Variants in KIRREL3 observed in about 807,000 individuals in gnomAD.
The protein encoded by KIRREL3 is kirre like nephrin family adhesion molecule 3.
Under a neutral mutation model 89.7 loss-of-function variants are expected in KIRREL3, and 36 were observed. The observed-to-expected ratio is 0.40, with a 90% CI of 0.31 to 0.53. KIRREL3 has a LOEUF of 0.53. KIRREL3 is among the 20% of genes least tolerant of loss of function. The pLI is 0.49. For missense variants in KIRREL3, 864 were observed against 1,056.6 expected (o/e 0.82, Z 2.53); for synonymous variants, 445 against 441.4 (o/e 1.01, Z -0.10).
rs1941351411 is a variant in KIRREL3, at chr11:126,578,039, G to A, written c.56-15127C>T. Among the ~76,000 whole-genome samples, 1 of 152,170 alleles carries A rather than the reference G, an allele frequency of 6.6e-6. No individual in the cohort carries two copies. Among genetic ancestry groups the A allele is most frequent in the South Asian group, 2.1e-4 (1 of 4,830 alleles). On this transcript the variant is annotated intron_variant, in intron 1 of 16. Coordinates refer to ENST00000525144, the MANE Select transcript of KIRREL3 (RefSeq NM_032531.4). This position sits in a 1 kb window ranked among gnomAD's most constrained non-coding sequence, Gnocchi z 4.9. ...AAGCTGTGGTTTTCATTTTTGGAGA[G>A]TTTAAATAATTTTAGAGTTCTTCTA...
intron 5 of KIRREL3, among the ~76,000 whole-genome samples, chr11:126,472,345 G>A (rs1192289207): frequency 3.3e-5 from 5 of 152,160 alleles, no homozygotes; most frequent in African/African-American, 7.2e-5. Context: ...CAAGATCAAC[G>A]CAGATTTGTT....
chr11:126,868,723 T>C (rs1159066886), intron 1 of KIRREL3, among the ~76,000 whole-genome samples: 1 of 152,132 alleles, frequency 6.6e-6, no homozygotes, highest in African/African-American at 2.4e-5. Context: ...AGCATTCAAC[T>C]CTACTGGCAG....
At position 126,912,517 on chromosome 11, in the gene KIRREL3, C is replaced by G. The variant is rs1946865240; in HGVS notation, c.55+87938G>C. ...AGGCATCAACCAAGAACATATCACA[C>G]TCACCTACAAAACAAGCAACCCACC... is the stretch of plus-strand genomic sequence containing the variant. On this transcript the variant is annotated intron_variant, in intron 1 of 16. Coordinates refer to ENST00000525144, the MANE Select transcript of KIRREL3 (RefSeq NM_032531.4). The surrounding 1 kb of genome is among the most constrained non-coding windows in gnomAD (Gnocchi z 4.7). Among the ~76,000 whole-genome samples the G allele has an allele frequency of 6.6e-6, 1 of 152,228 alleles. No individual in the cohort carries two copies. The highest frequency in any genetic ancestry group is 2.4e-5 in the African/African-American group (1 of 41,466).
At chr11:126,922,537 C>T (rs932686351) in intron 1 of KIRREL3, among the ~76,000 whole-genome samples, 4 of 152,054 alleles carry the variant, frequency 2.6e-5, no homozygotes, top group Non-Finnish European at 5.9e-5. Flanking sequence ...ACGTTCCCTC[C>T]CATACAAGGT....
intron 1 of KIRREL3, among the ~76,000 whole-genome samples, chr11:126,979,220 G>C (rs1341274563): frequency 1.3e-5 from 2 of 152,174 alleles, no homozygotes; most frequent in African/African-American, 4.8e-5. Context: ...GAGAGAAAGG[G>C]AGAGAGAAAT....
Position 126,496,432 on chromosome 11 carries a change from G to C in KIRREL3, c.434-22966C>G, listed in dbSNP as rs1957657599. Among the ~76,000 whole-genome samples, 1 of 152,124 alleles carries C rather than the reference G, an allele frequency of 6.6e-6. No homozygotes were observed. The highest frequency in any genetic ancestry group is 2.4e-5 in the African/African-American group (1 of 41,420). Reference sequence around the variant, plus strand: ...ACACAGCTGAAAAATGAAAGGGCCAGTCTTAGGGCCTAGGAATTCCCATGA... The same window carrying C: ...ACACAGCTGAAAAATGAAAGGGCCACTCTTAGGGCCTAGGAATTCCCATGA... On this transcript the variant is annotated intron_variant, in intron 4 of 16. Transcript: ENST00000525144. The surrounding 1 kb of genome is among the most constrained non-coding windows in gnomAD (Gnocchi z 4.9).
intron 6 of KIRREL3, among the ~76,000 whole-genome samples, chr11:126,461,942 C>T (rs1956559297): frequency 6.6e-6 from 1 of 152,202 alleles, no homozygotes; most frequent in African/African-American, 2.4e-5. Context: ...CAGCCACCTG[C>T]TTGCAGTAGC....
chr11:126,583,066 C>T (rs1941641590), intron 1 of KIRREL3, among the ~76,000 whole-genome samples: 3 of 152,172 alleles, frequency 2.0e-5, no homozygotes, highest in Non-Finnish European at 4.4e-5. Flanking sequence ...ACACCAGTTA[C>T]CCACCATCAT....
chr11:126,712,382 G>T (rs1305906779), intron 1 of KIRREL3, among the ~76,000 whole-genome samples: 1 of 152,134 alleles, frequency 6.6e-6, no homozygotes, highest in African/African-American at 2.4e-5. Flanking sequence ...TGGCAGGGCC[G>T]AGCCCCTCAG....
chr11:126,671,404 T>C (rs976950851), intron 1 of KIRREL3, among the ~76,000 whole-genome samples: 2 of 152,122 alleles, frequency 1.3e-5, no homozygotes, highest in African/African-American at 4.8e-5. Context: ...AAATGCATGA[T>C]CCATAAAACA....
At position 126,508,792 on chromosome 11, in the gene KIRREL3, G is replaced by A. The variant is rs1958108128; in HGVS notation, c.433+12523C>T. Among the ~76,000 whole-genome samples the A allele has an allele frequency of 6.6e-6, 1 of 152,128 alleles. No homozygotes were observed. The highest frequency in any genetic ancestry group is 6.5e-5 in the Admixed American group (1 of 15,284). Reference sequence around the variant, plus strand: ...GTCTCAGCTTCCTCGTCCGTAAAAGGGGACACGGGACCTGCCTGGCAGAGC... The same window carrying A: ...GTCTCAGCTTCCTCGTCCGTAAAAGAGGACACGGGACCTGCCTGGCAGAGC... On this transcript the variant is annotated intron_variant, in intron 4 of 16. Transcript: ENST00000525144. The surrounding 1 kb of genome is among the most constrained non-coding windows in gnomAD (Gnocchi z 4.9).
At chr11:126,944,158 G>A (rs997530896) in intron 1 of KIRREL3, among the ~76,000 whole-genome samples, 7 of 152,094 alleles carry the variant, frequency 4.6e-5, no homozygotes, top group Admixed American at 3.3e-4. Flanking sequence ...ACACCCTTTG[G>A]TCCTCCTATT....
chr11:126,552,861 C>G (rs957862491), intron 2 of KIRREL3, among the ~76,000 whole-genome samples: 3 of 149,424 alleles, frequency 2.0e-5, no homozygotes, highest in Non-Finnish European at 4.4e-5. Flanking sequence ...CCGTGCCAGG[C>G]CAAGAAAAGC....
chr11:126,630,186 C>A (rs1943959711), intron 1 of KIRREL3, among the ~76,000 whole-genome samples: 1 of 152,156 alleles, frequency 6.6e-6, no homozygotes, highest in African/African-American at 2.4e-5. Flanking sequence ...TTCCCAGGAA[C>A]TGATGATAGT....
chr11:126,540,811 G>A (rs755092155), intron 2 of KIRREL3, among the ~76,000 whole-genome samples: 7 of 152,186 alleles, frequency 4.6e-5, no homozygotes, highest in South Asian at 4.1e-4. Flanking sequence ...GCTCGACAGC[G>A]CATGAAGCAG....
intron 1 of KIRREL3, among the ~76,000 whole-genome samples, chr11:126,926,883 T>C (rs965770776): frequency 6.6e-6 from 1 of 152,194 alleles, no homozygotes; most frequent in East Asian, 1.9e-4. Context: ...AGAGAGGGTA[T>C]AGGAAAAGGA....
rs1187430074 is a variant in KIRREL3 at position 126,940,423 on chromosome 11, AT to A, written c.55+60031del. The A allele has an allele frequency of 2.2e-4, 33 of 152,342 alleles. 2 individuals carry two copies. Among genetic ancestry groups the A allele is most frequent in the African/African-American group, 7.2e-4 (30 of 41,574 alleles). 9.4% of individuals were successfully genotyped at this position (152,342 alleles called of 1,614,324 possible). A position where few individuals can be genotyped will look rare whatever the true frequency, so the allele number is the denominator to read the frequency against. On this transcript the variant is annotated intron_variant, in intron 1 of 16. Coordinates refer to ENST00000525144, the MANE Select transcript of KIRREL3 (RefSeq NM_032531.4). The surrounding 1 kb of genome is among the most constrained non-coding windows in gnomAD (Gnocchi z 4.6). ...TTATGAAAAAGTATAATTATATGCA[AT>A]TAAAAAATGAACAGTATTTCTTACC...
intron 1 of KIRREL3, among the ~76,000 whole-genome samples, chr11:126,757,317 A>T (rs545702249): frequency 6.6e-6 from 1 of 152,190 alleles, no homozygotes; most frequent in African/African-American, 2.4e-5. Context: ...AAAAAAGAAA[A>T]GAGAAGAAAA....
rs1944972118 is a variant in KIRREL3, at chr11:126,867,773, C to T, written c.55+132682G>A. 6.6e-6 allele frequency among the ~76,000 whole-genome samples: 1 copy of T among 151,948 alleles called. No individual in the cohort carries two copies. The highest frequency in any genetic ancestry group is 1.5e-5 in the Non-Finnish European group (1 of 68,018). ...CAGACTTTCTGCCTTTTTTATGAGC[C>T]TTTAACCACAATTTTTACTGCCGCT... On this transcript the variant is annotated intron_variant, in intron 1 of 16. Transcript: ENST00000525144. This position sits in a 1 kb window ranked among gnomAD's most constrained non-coding sequence, Gnocchi z 4.7.
Sources: gnomAD v4.1 joint callset for allele counts (sites outside exome capture counted in the v4.1 genomes callset) on GRCh38, gnomAD v4.1.1 for gene constraint, Gnocchi (gnomAD v3.1) non-coding constraint, MANE v1.5 for transcripts, NCBI Gene and HGNC (gene_info 2026-07-23, HGNC 2026-07-21) for gene names.